SCIN: variants seen among roughly 807,000 people sequenced by gnomAD.
The protein encoded by SCIN is scinderin.
In SCIN, 91 loss-of-function variants were observed where a neutral mutation model predicts 91.8. That is an observed-to-expected ratio of 0.99 (90% CI 0.84 to 1.18). The LOEUF (loss-of-function observed/expected upper bound fraction) is 1.18. Among genes scored for constraint, SCIN ranks in the 50% most tolerant of loss-of-function variants. The probability of loss-of-function intolerance (pLI) is 0.00; values close to 1 mark genes in which losing one functional copy is unlikely to be tolerated. For missense variants in SCIN, 1,087 were observed against 863.9 expected, an observed-to-expected ratio of 1.26 and a Z score of -3.24; for synonymous variants, 367 against 312.6, an observed-to-expected ratio of 1.17 and a Z score of -1.84.
At chr7:12,649,446 A>G (rs1205633013) in intron 13 of SCIN, 21 bp from the exon 14 acceptor site, 5 of 1,541,586 alleles carry the variant, frequency 3.2e-6, no homozygotes, top group South Asian at 1.2e-5. Context: ...TTTTGCTCAT[A>G]TAGCTTTTTA....
At chr7:12,590,611 G>A (rs1782700513) in intron 3 of SCIN, among the ~76,000 whole-genome samples, 1 of 139,414 alleles carries the variant, frequency 7.2e-6, no homozygotes, top group African/African-American at 2.7e-5. Context: ...CGGTGGGAGA[G>A]TTCTTGGGTA....
intron 10 of SCIN, among the ~76,000 whole-genome samples, chr7:12,639,586 G>A (rs982514942): frequency 3.3e-5 from 5 of 151,972 alleles, no homozygotes; most frequent in African/African-American, 1.2e-4. Flanking sequence ...GTGAGAAATA[G>A]GAAATTCTAA....
chr7:12,609,564 A>G (rs1394087238), intron 4 of SCIN, among the ~76,000 whole-genome samples: 1 of 151,816 alleles, frequency 6.6e-6, no homozygotes, highest in African/African-American at 2.4e-5. Context: ...TATGTTTTTT[A>G]GACTTTCATT....
At chr7:12,647,905 A>C (rs1044821877) in intron 13 of SCIN, among the ~76,000 whole-genome samples, 1 of 152,154 alleles carries the variant, frequency 6.6e-6, no homozygotes, top group African/African-American at 2.4e-5. Context: ...CAAGGACACA[A>C]AAAGGCCCTT....
intron 4 of SCIN, among the ~76,000 whole-genome samples, chr7:12,604,937 AC>A (rs1236720976): frequency 6.6e-6 from 1 of 152,194 alleles, no homozygotes; most frequent in Admixed American, 6.5e-5. Context: ...ATGAGGTGAA[AC>A]AAATGAGTGA....
chr7:12,649,252 T>C (rs571992895), intron 13 of SCIN, among the ~76,000 whole-genome samples: 11 of 152,250 alleles, frequency 7.2e-5, no homozygotes, highest in Non-Finnish European at 1.6e-4. Flanking sequence ...GCAATGTTTA[T>C]ATTAAATACT....
intron 4 of SCIN, among the ~76,000 whole-genome samples, chr7:12,621,205 C>T (rs939628549): frequency 3.9e-5 from 6 of 151,970 alleles, no homozygotes; most frequent in African/African-American, 1.4e-4. Flanking sequence ...ATTTATATAC[C>T]CCAGTGACCT....
chr7:12,654,992 A>G lies in SCIN; in HGVS notation c.*2277A>G, dbSNP rs1784143947. The G allele has an allele frequency of 6.6e-6, 1 of 152,220 alleles. No individual in the cohort carries two copies. Among genetic ancestry groups the G allele is most frequent in the African/African-American group, 2.4e-5 (1 of 41,464 alleles). 9.4% of individuals were successfully genotyped at this position (152,220 alleles called of 1,614,324 possible). A position where few individuals can be genotyped will look rare whatever the true frequency, so the allele number is the denominator to read the frequency against. On this transcript the variant is annotated 3_prime_UTR_variant, in exon 16 of 16. Coordinates refer to ENST00000297029, the MANE Select transcript of SCIN (RefSeq NM_001112706.3). ...TACATTCACTACATGAAAATATGAT[A>G]TACGGTTTTTCTTCAGTATCCGCGG...
rs1483039399 is a variant in SCIN at position 12,625,767 on chromosome 7, G to A, written c.898G>A (p.Asp300Asn). The change falls in exon 7 of 16, where the codon GAT (aspartate) becomes AAT (asparagine). Residue 300 changes from aspartate to asparagine, a missense_variant. Physicochemically the swap from Asp to Asn is conservative, Grantham distance 23 (BLOSUM62 1). Transcript: ENST00000297029. ...AKQIFVWKGK[D>N]ANPQERKAAM... ...TAATTTACCTTGTATTTTAGGTAAAGATGCTAATCCCCAAGAGAGGAAGGC... is the reference window on the plus strand; with the variant it reads ...TAATTTACCTTGTATTTTAGGTAAAAATGCTAATCCCCAAGAGAGGAAGGC... 1.2e-6 allele frequency: 2 copies of A among 1,604,096 alleles called. No individual in the cohort carries two copies. Among genetic ancestry groups the A allele is most frequent in the Non-Finnish European group, 1.7e-6 (2 of 1,173,974 alleles).
intron 8 of SCIN, 42 bp from the exon 9 acceptor site, chr7:12,629,059 C>G (rs752762353): frequency 6.6e-7 from 1 of 1,513,456 alleles, no homozygotes; most frequent in Non-Finnish European, 8.9e-7. Context: ...ATTATTAGAT[C>G]AAGAAAATTG....
Position 12,651,376 on chromosome 7 carries a change from A to T in SCIN, c.1960-465A>T, listed in dbSNP as rs1428248838. Reference sequence around the variant, plus strand: ...CACTGCAGATTCTCTACAGATGCAGATCTTCCCCTACAAAAGGCAGATTTG... The same window carrying T: ...CACTGCAGATTCTCTACAGATGCAGTTCTTCCCCTACAAAAGGCAGATTTG... On this transcript the variant is annotated intron_variant, in intron 14 of 15. Transcript: ENST00000297029. This position sits in a 1 kb window ranked among gnomAD's most constrained non-coding sequence, Gnocchi z 5.9. 6.6e-6 allele frequency among the ~76,000 whole-genome samples: 1 copy of T among 152,224 alleles called. No individual in the cohort carries two copies. The highest frequency in any genetic ancestry group is 1.5e-5 in the Non-Finnish European group (1 of 68,046).
At chr7:12,635,611 C>CAAAA (rs59324421) in intron 9 of SCIN, among the ~76,000 whole-genome samples, 126 of 5,850 alleles carry the variant, frequency 0.022, 36 homozygotes, top group Non-Finnish European at 0.041. Flanking sequence ...GACTCCGTCT[C>CAAAA]AAAAAAAAAA....
At chr7:12,593,782 T>C (rs1782778073) in intron 3 of SCIN, among the ~76,000 whole-genome samples, 1 of 152,172 alleles carries the variant, frequency 6.6e-6, no homozygotes, top group Admixed American at 6.5e-5. Flanking sequence ...AGGAAGGCTC[T>C]TCCCAGGGAA....
Position 12,605,024 on chromosome 7 carries a change from G to A in SCIN, c.666+361G>A, listed in dbSNP as rs1783046603. Among the ~76,000 whole-genome samples, 4 of 152,040 alleles carry A rather than the reference G, an allele frequency of 2.6e-5. 1 individual carries two copies. In the South Asian group the frequency reaches 8.3e-4, roughly 31 times the overall value. On this transcript the variant is annotated intron_variant, in intron 4 of 15. Transcript: ENST00000297029. ...ATAGTTCTTTCATCTATTCATCTGGGCTTCTCAGGGTTTTACTTGTTTTTT... is the reference window on the plus strand; with the variant it reads ...ATAGTTCTTTCATCTATTCATCTGGACTTCTCAGGGTTTTACTTGTTTTTT...
intron 3 of SCIN, among the ~76,000 whole-genome samples, chr7:12,602,352 G>A (rs1782975518): frequency 6.6e-6 from 1 of 152,122 alleles, no homozygotes. Flanking sequence ...AGGACAAAAG[G>A]CAAAACAGAA....
chr7:12,611,777 T>A (rs1186926827), intron 4 of SCIN, among the ~76,000 whole-genome samples: 1 of 152,130 alleles, frequency 6.6e-6, no homozygotes, highest in African/African-American at 2.4e-5. Flanking sequence ...GCTAGGCTGG[T>A]GGTGCACACC....
At chr7:12,617,825 C>T (rs1038905946) in intron 4 of SCIN, among the ~76,000 whole-genome samples, 2 of 152,150 alleles carry the variant, frequency 1.3e-5, no homozygotes, top group African/African-American at 4.8e-5. Flanking sequence ...TGGATTCAGA[C>T]ATTGGCATTC....
At chr7:12,626,183 A>G (rs1783518236) in intron 7 of SCIN, 1 of 315,106 alleles carries the variant, frequency 3.2e-6, no homozygotes, top group Non-Finnish European at 5.8e-6. Context: ...TGAAACCCAG[A>G]TGATATTTGT....
At chr7:12,612,967 T>A (rs1783227609) in intron 4 of SCIN, among the ~76,000 whole-genome samples, 3 of 152,210 alleles carry the variant, frequency 2.0e-5, no homozygotes. Context: ...CATCTCTGAA[T>A]GAGTTAATTT....
Sources: gnomAD v4.1 joint callset for allele counts (sites outside exome capture counted in the v4.1 genomes callset) on GRCh38, gnomAD v4.1.1 for gene constraint, Gnocchi (gnomAD v3.1) non-coding constraint, MANE v1.5 for transcripts, NCBI Gene and HGNC (gene_info 2026-07-23, HGNC 2026-07-21) for gene names.